Variants in ITGA9 observed in about 807,000 individuals in gnomAD.
ITGA9 encodes integrin alpha-9.
Under a neutral mutation model 127.8 loss-of-function variants are expected in ITGA9, and 56 were observed. That is an observed-to-expected ratio of 0.44 (90% CI 0.35 to 0.55). ITGA9 has a LOEUF of 0.55. Ranked by LOEUF, ITGA9 falls within the 20% of genes least tolerant of loss-of-function variation. The pLI is 0.00. For synonymous variants in ITGA9, 508 were observed against 514.5 expected (o/e 0.99, Z 0.17); for missense variants, 1,196 against 1,347.1 (o/e 0.89, Z 1.76).
chr3:37,602,904 A>C (rs903291722), intron 15 of ITGA9, among the ~76,000 whole-genome samples: 10 of 152,220 alleles, frequency 6.6e-5, no homozygotes, highest in Non-Finnish European at 1.3e-4. Flanking sequence ...AAAGGTCTAT[A>C]CTGCTGCAAA....
intron 15 of ITGA9, among the ~76,000 whole-genome samples, chr3:37,588,633 C>T (rs937997806): frequency 1.3e-5 from 2 of 152,196 alleles, no homozygotes; most frequent in African/African-American, 4.8e-5. Flanking sequence ...CTCATTGCCC[C>T]TTGCAAAGAA....
At chr3:37,615,524 T>C (rs1700065289) in intron 15 of ITGA9, among the ~76,000 whole-genome samples, 1 of 152,218 alleles carries the variant, frequency 6.6e-6, no homozygotes, top group Non-Finnish European at 1.5e-5. Flanking sequence ...TTGATTGGAA[T>C]AGTTTCAGAA....
At chr3:37,751,107 G>T (rs1303951976) in intron 23 of ITGA9, among the ~76,000 whole-genome samples, 1 of 152,254 alleles carries the variant, frequency 6.6e-6, no homozygotes, top group South Asian at 2.1e-4. Flanking sequence ...AAAACATTGT[G>T]TGATGGTGAC....
intron 22 of ITGA9, among the ~76,000 whole-genome samples, chr3:37,744,460 T>C (rs1559585561): frequency 6.6e-6 from 1 of 152,234 alleles, no homozygotes; most frequent in Non-Finnish European, 1.5e-5. Context: ...CCACTCCTCC[T>C]GCAGGGGAAC....
intron 19 of ITGA9, 159 bp downstream of exon 19, chr3:37,732,957 C>A (rs1696312345): frequency 1.5e-6 from 1 of 686,382 alleles, no homozygotes; most frequent in South Asian, 1.5e-5. Context: ...CTGTCCCTGG[C>A]TGTGTACACC....
At chr3:37,560,848 A>G (rs1699480072) in intron 15 of ITGA9, among the ~76,000 whole-genome samples, 1 of 152,218 alleles carries the variant, frequency 6.6e-6, no homozygotes, top group South Asian at 2.1e-4. Context: ...GTATTTGCCC[A>G]CAGTTCTGGA....
At position 37,799,581 on chromosome 3, in the gene ITGA9, C is replaced by T. The variant is rs573783619; in HGVS notation, c.2890-4242C>T. ...AGCAGCTGGAAAGGCAGGAAGGAGACCAGAGTATGAAGGCCCTGGTGTCCT... is the reference window on the plus strand; with the variant it reads ...AGCAGCTGGAAAGGCAGGAAGGAGATCAGAGTATGAAGGCCCTGGTGTCCT... On this transcript the variant is annotated intron_variant, in intron 26 of 27. Coordinates refer to ENST00000264741, the MANE Select transcript of ITGA9 (RefSeq NM_002207.3). This position sits in a 1 kb window ranked among gnomAD's most constrained non-coding sequence, Gnocchi z 4.0. 2.0e-4 allele frequency among the ~76,000 whole-genome samples: 30 copies of T among 152,174 alleles called. No individual in the cohort carries two copies. In the South Asian group the frequency reaches 5.2e-3, roughly 26 times the overall value.
chr3:37,677,269 C>T (rs1700691021), intron 17 of ITGA9, among the ~76,000 whole-genome samples: 1 of 152,302 alleles, frequency 6.6e-6, no homozygotes, highest in Admixed American at 6.5e-5. Flanking sequence ...CATAGAAAGA[C>T]AACAGATGAG....
chr3:37,646,234 G>A (rs1449587471), intron 16 of ITGA9, among the ~76,000 whole-genome samples: 1 of 152,196 alleles, frequency 6.6e-6, no homozygotes, highest in Non-Finnish European at 1.5e-5. Flanking sequence ...TATTATCTAT[G>A]GCTGCTTTTG....
rs1487394588 is a variant in ITGA9 at position 37,642,046 on chromosome 3, T to G, written c.1840-11668T>G. 2.0e-5 allele frequency among the ~76,000 whole-genome samples: 3 copies of G among 152,100 alleles called. No homozygotes were observed. In the East Asian group the frequency reaches 5.8e-4, roughly 29 times the overall value. Reference sequence around the variant, plus strand: ...TCGACTTTCCAGGCTCAAGTGATCCTCCCACCTCAGCCTCCCAAGTAGCTG... The same window carrying G: ...TCGACTTTCCAGGCTCAAGTGATCCGCCCACCTCAGCCTCCCAAGTAGCTG... On this transcript the variant is annotated intron_variant, in intron 16 of 27. Transcript: ENST00000264741.
At chr3:37,818,251 CTTTTTTTTT>C (rs1165189273) in intron 27 of ITGA9, 3 of 57,022 alleles carry the variant, frequency 5.3e-5, no homozygotes, top group East Asian at 5.5e-4. Flanking sequence ...ACCATGAAAC[CTTTTTTTTT>C]TTTTTTTTTT....
intron 15 of ITGA9, among the ~76,000 whole-genome samples, chr3:37,564,760 C>T (rs1308397550): frequency 1.3e-5 from 2 of 152,178 alleles, no homozygotes; most frequent in Non-Finnish European, 2.9e-5. Context: ...TGGGGCTTAC[C>T]CTGAAGAGCT....
intron 14 of ITGA9, among the ~76,000 whole-genome samples, chr3:37,537,722 C>G (rs1327670533): frequency 6.6e-6 from 1 of 152,192 alleles, no homozygotes; most frequent in Non-Finnish European, 1.5e-5. Flanking sequence ...GCTGGCTTTT[C>G]TAGATGAGCT....
At position 37,513,855 on chromosome 3, in the gene ITGA9, G is replaced by GA. The variant is rs1394760231; in HGVS notation, c.991dup (p.Ile331AsnfsTer4). 5.6e-6 allele frequency: 9 copies of GA among 1,613,668 alleles called. No individual in the cohort carries two copies. The highest frequency in any genetic ancestry group is 6.8e-6 in the Non-Finnish European group (8 of 1,180,042). On this transcript the variant is annotated frameshift_variant, in exon 9 of 28. Coordinates refer to ENST00000264741, the MANE Select transcript of ITGA9 (RefSeq NM_002207.3). LOFTEE classifies it high-confidence loss of function. ...TGGTGGGGGCCCCCATGTTTTCTGA[G>GA]ATCAGGGATGAGGGACAGGTCACTG...
Position 37,714,686 on chromosome 3 carries a change from G to A in ITGA9, c.2068-18026G>A, listed in dbSNP as rs1032444239. On this transcript the variant is annotated intron_variant, in intron 18 of 27. Transcript: ENST00000264741. The stretch of plus-strand genomic sequence containing the variant: ...TAGCATCCACACCAGCTGGGGCCTG[G>A]TCAGAAAAACAACCGTGGGCTCCTC... 3.3e-5 allele frequency among the ~76,000 whole-genome samples: 5 copies of A among 152,228 alleles called. No homozygotes were observed. The East Asian group carries it at 9.6e-4, about 29-fold the overall frequency.
chr3:37,710,976 T>C (rs534281903), intron 18 of ITGA9, among the ~76,000 whole-genome samples: 1 of 152,312 alleles, frequency 6.6e-6, no homozygotes, highest in African/African-American at 2.4e-5. Flanking sequence ...TAAAACAACA[T>C]TGATTAGCCC....
chr3:37,632,919 A>C (rs1700241556), intron 16 of ITGA9, among the ~76,000 whole-genome samples: 1 of 152,222 alleles, frequency 6.6e-6, no homozygotes, highest in Non-Finnish European at 1.5e-5. Flanking sequence ...GTCACTTTTC[A>C]GATAAGCAAG....
intron 10 of ITGA9, among the ~76,000 whole-genome samples, chr3:37,518,250 G>A (rs1410904245): frequency 5.3e-5 from 8 of 152,200 alleles, no homozygotes; most frequent in Admixed American, 5.2e-4. Flanking sequence ...ACAGCATACA[G>A]ACGTCGGGAG....
intron 8 of ITGA9, among the ~76,000 whole-genome samples, chr3:37,509,257 A>T (rs1443835387): frequency 6.6e-6 from 1 of 152,132 alleles, no homozygotes; most frequent in Admixed American, 6.5e-5. Flanking sequence ...AGTTTCCATT[A>T]TACTGCCCTG....
Sources: allele counts gnomAD v4.1 joint callset (sites outside exome capture counted in the v4.1 genomes callset), GRCh38; gene constraint gnomAD v4.1.1; non-coding constraint Gnocchi (gnomAD v3.1); transcripts MANE v1.5; gene names NCBI Gene and HGNC (gene_info 2026-07-23, HGNC 2026-07-21).